The following PTPRM variants were observed in gnomAD, a reference collection of about 807,000 sequenced individuals.
PTPRM encodes protein tyrosine phosphatase receptor type M, also known as receptor-type tyrosine-protein phosphatase mu.
In PTPRM, 47 loss-of-function variants were observed where a neutral mutation model predicts 186.7. That is an observed-to-expected ratio of 0.25 (90% CI 0.20 to 0.32). The LOEUF (loss-of-function observed/expected upper bound fraction) is 0.32. PTPRM is among the 10% of genes least tolerant of loss of function. The pLI is 1.00. For missense variants in PTPRM, 1,494 were observed against 1,865.0 expected (o/e 0.80, Z 3.66); for synonymous variants, 668 against 674.9 (o/e 0.99, Z 0.16).
rs2042196350 is a variant in PTPRM, at chr18:7,769,956, CT to C, written c.74-4190del. Among the ~76,000 whole-genome samples the C allele has an allele frequency of 2.6e-5, 4 of 152,134 alleles. No individual in the cohort carries two copies. The South Asian group carries it at 8.3e-4, about 32-fold the overall frequency. ...CACCACCCCACCCAGCTTGTATCAA[CT>C]TTCCTCCATCTTGTATATGACTTGG... On this transcript the variant is annotated intron_variant, in intron 1 of 32. Transcript: ENST00000580170.
chr18:7,959,899 T>G (rs909729435), intron 7 of PTPRM, among the ~76,000 whole-genome samples: 54 of 152,368 alleles, frequency 3.5e-4, no homozygotes, highest in African/African-American at 1.3e-3. Flanking sequence ...TCAGCTATAG[T>G]TGGGTAACTT....
At chr18:7,822,123 C>T (rs1002381967) in intron 2 of PTPRM, among the ~76,000 whole-genome samples, 1 of 152,172 alleles carries the variant, frequency 6.6e-6, no homozygotes, top group African/African-American at 2.4e-5. Context: ...ATTGACATCA[C>T]CTTGCCCCTG....
At chr18:7,619,412 C>T (rs191288812) in intron 1 of PTPRM, among the ~76,000 whole-genome samples, 5 of 152,106 alleles carry the variant, frequency 3.3e-5, no homozygotes, top group East Asian at 1.9e-4. Flanking sequence ...ACTCCAGTCC[C>T]GGAAAAGTCT....
intron 2 of PTPRM, among the ~76,000 whole-genome samples, chr18:7,816,871 A>G (rs2044855882): frequency 6.6e-6 from 1 of 152,286 alleles, no homozygotes; most frequent in Non-Finnish European, 1.5e-5. Flanking sequence ...ACATAGATAT[A>G]CTCAGGGCGG....
chr18:8,382,398 C>T (rs182212765), intron 29 of PTPRM, among the ~76,000 whole-genome samples: 2 of 152,144 alleles, frequency 1.3e-5, no homozygotes, highest in Non-Finnish European at 2.9e-5. Context: ...ATGGGCAGAA[C>T]GGTTCAGATG....
At chr18:8,394,341 G>C in intron 31 of PTPRM, 135 bp from the exon 32 acceptor site, 1 of 968,970 alleles carries the variant, frequency 1.0e-6, no homozygotes, top group South Asian at 2.2e-5. Flanking sequence ...AATCTGCCCA[G>C]GTAAGAGGTC....
At chr18:7,753,275 A>G (rs1458008572) in intron 1 of PTPRM, among the ~76,000 whole-genome samples, 1 of 151,960 alleles carries the variant, frequency 6.6e-6, no homozygotes. Context: ...ATAGAGGTAG[A>G]TATTTTTCTT....
chr18:7,943,436 G>T (rs1350276193), intron 5 of PTPRM, among the ~76,000 whole-genome samples: 1 of 152,082 alleles, frequency 6.6e-6, no homozygotes, highest in African/African-American at 2.4e-5. Context: ...TTAAAGACTT[G>T]CTTATGCACC....
In PTPRM at chr18:7,918,367, G is replaced by A. The variant is rs371298577; in HGVS notation, c.548-8201G>A. ...TATATTCCCACCAACACTGTACAAG[G>A]GTTCCCCTTTCTCCACATGCTCACC... is the stretch of plus-strand genomic sequence containing the variant. On this transcript the variant is annotated intron_variant, in intron 4 of 32. Coordinates refer to ENST00000580170, the MANE Select transcript of PTPRM (RefSeq NM_001105244.2). Among the ~76,000 whole-genome samples, 5 of 151,854 alleles carry A rather than the reference G, an allele frequency of 3.3e-5. No individual in the cohort carries two copies. The East Asian group carries it at 9.7e-4, about 29-fold the overall frequency.
At chr18:8,048,730 A>C (rs1025381619) in intron 7 of PTPRM, among the ~76,000 whole-genome samples, 3 of 152,236 alleles carry the variant, frequency 2.0e-5, no homozygotes, top group African/African-American at 7.2e-5. Flanking sequence ...AATCATAAGA[A>C]GATTGTAAAT....
intron 20 of PTPRM, among the ~76,000 whole-genome samples, chr18:8,309,851 T>C (rs1383721611): frequency 1.3e-5 from 2 of 152,130 alleles, no homozygotes; most frequent in African/African-American, 4.8e-5. Context: ...TTTTGATCTG[T>C]AGGAGAAATA....
rs534461720 is a variant in PTPRM, at chr18:7,744,798, G to A, written c.74-29351G>A. Among the ~76,000 whole-genome samples, 103 of 152,098 alleles carry A rather than the reference G, an allele frequency of 6.8e-4. 1 individual carries two copies. The highest frequency in any genetic ancestry group is 1.8e-4 in the Non-Finnish European group (12 of 68,028). On this transcript the variant is annotated intron_variant, in intron 1 of 32. Coordinates refer to ENST00000580170, the MANE Select transcript of PTPRM (RefSeq NM_001105244.2). ...TCTTATTTTTGACTGAGCTGGGGCT[G>A]TATTGTTTGCAGTTCAAATATATTT...
At chr18:8,143,612 A>G in intron 13 of PTPRM, 35 bp from the exon 14 acceptor site, 2 of 1,562,644 alleles carry the variant, frequency 1.3e-6, no homozygotes, top group Non-Finnish European at 1.8e-6. Context: ...TCTCTTACCT[A>G]CAGTCTCTCC....
intron 22 of PTPRM, among the ~76,000 whole-genome samples, chr18:8,327,391 A>G (rs2095384030): frequency 1.3e-5 from 2 of 152,234 alleles, no homozygotes; most frequent in South Asian, 2.1e-4. Flanking sequence ...TTCTGTGTGA[A>G]GAGGAAGATG....
intron 7 of PTPRM, among the ~76,000 whole-genome samples, chr18:8,048,192 A>G (rs967093609): frequency 6.6e-6 from 1 of 152,206 alleles, no homozygotes; most frequent in Non-Finnish European, 1.5e-5. Flanking sequence ...ATGTTTAGGG[A>G]AAAATTGACA....
In PTPRM at chr18:8,020,870, G is replaced by C. The variant is rs532693120; in HGVS notation, c.1133-48816G>C. ...ACAGAACCTGAACGTGCTCAGTGAG[G>C]TACTGTTTAGTGTCGTTCTGTGTGG... On this transcript the variant is annotated intron_variant, in intron 7 of 32. Coordinates refer to ENST00000580170, the MANE Select transcript of PTPRM (RefSeq NM_001105244.2). Among the ~76,000 whole-genome samples the C allele has an allele frequency of 2.6e-5, 4 of 152,250 alleles. No individual in the cohort carries two copies. In the South Asian group the frequency reaches 8.3e-4, roughly 32 times the overall value.
intron 5 of PTPRM, among the ~76,000 whole-genome samples, chr18:7,936,719 G>A (rs1458854064): frequency 6.6e-6 from 1 of 152,174 alleles, no homozygotes; most frequent in South Asian, 2.1e-4. Context: ...GGAGCTGTCA[G>A]TCCTGCAGTT....
chr18:7,982,140 T>C (rs1469354113), intron 7 of PTPRM, among the ~76,000 whole-genome samples: 1 of 152,188 alleles, frequency 6.6e-6, no homozygotes, highest in African/African-American at 2.4e-5. Flanking sequence ...TTTTGTACCT[T>C]AGAAACGTTT....
chr18:7,928,131 G>C (rs1245612637), intron 5 of PTPRM, among the ~76,000 whole-genome samples: 4 of 152,128 alleles, frequency 2.6e-5, no homozygotes, highest in Non-Finnish European at 5.9e-5. Context: ...TTGTCAGATG[G>C]GAAATGCATT....
Sources: gnomAD v4.1 joint callset for allele counts (sites outside exome capture counted in the v4.1 genomes callset) on GRCh38, gnomAD v4.1.1 for gene constraint, MANE v1.5 for transcripts, NCBI Gene and HGNC (gene_info 2026-07-23, HGNC 2026-07-21) for gene names.